Variants in NUDCD3 observed in about 807,000 individuals in gnomAD.
NUDCD3 encodes NudC domain containing 3.
In NUDCD3, 13 loss-of-function variants were observed where a neutral mutation model predicts 39.7. The observed-to-expected ratio is 0.33, with a 90% confidence interval of 0.21 to 0.52. The LOEUF (loss-of-function observed/expected upper bound fraction) is 0.52, where lower values mean the gene tolerates loss of function less well. Among genes scored for constraint, NUDCD3 ranks in the 20% least tolerant of loss-of-function variants. NUDCD3 has a pLI of 0.96. For synonymous variants in NUDCD3, 175 were observed against 172.4 expected (o/e 1.02, Z -0.12); for missense variants, 453 against 458.1 (o/e 0.99, Z 0.10).
At chr7:44,431,668 CTTTTTT>C (rs755819096) in intron 2 of NUDCD3, among the ~76,000 whole-genome samples, 1 of 120,844 alleles carries the variant, frequency 8.3e-6, no homozygotes, top group Admixed American at 8.6e-5. Context: ...TCTCTCCTTC[CTTTTTT>C]TTTTTTTTTT....
At chr7:44,391,043 G>GT (rs1798505603) in intron 5 of NUDCD3, among the ~76,000 whole-genome samples, 1 of 152,240 alleles carries the variant, frequency 6.6e-6, no homozygotes, top group African/African-American at 2.4e-5. Flanking sequence ...GGACAGGGCT[G>GT]TGAGGACAGA....
chr7:44,441,061 CTCTCCATAA>C (rs1291692516), intron 2 of NUDCD3, among the ~76,000 whole-genome samples: 2 of 152,220 alleles, frequency 1.3e-5, no homozygotes, highest in Non-Finnish European at 1.5e-5. Context: ...AAGCACTTTT[CTCTCCATAA>C]TTTCCCTGCT....
intron 2 of NUDCD3, among the ~76,000 whole-genome samples, chr7:44,431,661 CTCCT>C (rs1799366130): frequency 6.6e-6 from 1 of 150,442 alleles, no homozygotes; most frequent in Non-Finnish European, 1.5e-5. Context: ...AAGGTCCTCT[CTCCT>C]TCCTTTTTTT....
intron 2 of NUDCD3, among the ~76,000 whole-genome samples, chr7:44,459,451 G>A (rs1489129706): frequency 6.6e-6 from 1 of 152,118 alleles, no homozygotes; most frequent in Non-Finnish European, 1.5e-5. Context: ...GCCTCTTGAA[G>A]TGTTGGGATT....
At chr7:44,452,002 G>A (rs1278783395) in intron 2 of NUDCD3, among the ~76,000 whole-genome samples, 1 of 152,176 alleles carries the variant, frequency 6.6e-6, no homozygotes, top group African/African-American at 2.4e-5. Context: ...TCAAGAGAAA[G>A]TACCACTGAT....
At position 44,410,609 on chromosome 7, in the gene NUDCD3, A is replaced by G. The variant is rs565454931; in HGVS notation, c.643-6026T>C. On this transcript the variant is annotated intron_variant, in intron 3 of 5. Transcript: ENST00000355451. Reference sequence around the variant, plus strand: ...AACCCAGGAGGTGGAGCTTGCAGTGAGTGGAGATCCTGCCACTGCACTCCA... The same window carrying G: ...AACCCAGGAGGTGGAGCTTGCAGTGGGTGGAGATCCTGCCACTGCACTCCA... Among the ~76,000 whole-genome samples, 3 of 150,302 alleles carry G rather than the reference A, an allele frequency of 2.0e-5. No homozygotes were observed. In the East Asian group the frequency reaches 5.9e-4, roughly 30 times the overall value.
chr7:44,490,241 G>A, intron 1 of NUDCD3, 168 bp downstream of exon 1: 1 of 658,202 alleles, frequency 1.5e-6, no homozygotes, highest in Non-Finnish European at 2.5e-6. Flanking sequence ...AGCGGAATAA[G>A]CTGACATCCA....
rs556186393 is a variant in NUDCD3, at chr7:44,386,757, C to T, written c.976-636G>A. Among the ~76,000 whole-genome samples the T allele has an allele frequency of 1.1e-4, 16 of 152,304 alleles. No homozygotes were observed. The East Asian group carries it at 1.2e-3, about 11-fold the overall frequency. ...AGTCAGAGCTGGTTGACTAAGCCCT[C>T]GCCAACGTGTGGCCATTCTGGAACT... On this transcript the variant is annotated intron_variant, in intron 5 of 5. Transcript: ENST00000355451.
intron 2 of NUDCD3, among the ~76,000 whole-genome samples, chr7:44,476,277 C>T (rs538080500): frequency 3.3e-5 from 5 of 152,296 alleles, no homozygotes; most frequent in Admixed American, 1.3e-4. Flanking sequence ...ACATCAAGAG[C>T]CACAGATGTC....
chr7:44,442,037 G>A (rs556101529), intron 2 of NUDCD3, among the ~76,000 whole-genome samples: 1 of 152,150 alleles, frequency 6.6e-6, no homozygotes, highest in Admixed American at 6.5e-5. Context: ...TACAAAATGG[G>A]AGCACATGAG....
rs1799858350 is a variant in NUDCD3, at chr7:44,454,651, G to A, written c.510-26948C>T. Among the ~76,000 whole-genome samples, 7 of 152,264 alleles carry A rather than the reference G, an allele frequency of 4.6e-5. No individual in the cohort carries two copies. The South Asian group carries it at 1.5e-3, about 32-fold the overall frequency. ...TTCTCAAAACTTTCTTTTAGGCTGG[G>A]CACAGTGGCTCATGCCTATAATCCC... On this transcript the variant is annotated intron_variant, in intron 2 of 5. Coordinates refer to ENST00000355451, the MANE Select transcript of NUDCD3 (RefSeq NM_015332.4).
At chr7:44,445,631 TTG>T (rs1166841423) in intron 2 of NUDCD3, among the ~76,000 whole-genome samples, 1 of 151,942 alleles carries the variant, frequency 6.6e-6, no homozygotes. Flanking sequence ...GAGGGGTGGG[TTG>T]TGTGTGTGCA....
chr7:44,489,452 A>C (rs569237347), intron 1 of NUDCD3, among the ~76,000 whole-genome samples: 3 of 152,374 alleles, frequency 2.0e-5, no homozygotes, highest in South Asian at 4.1e-4. Context: ...AGCATGCATT[A>C]AGACTTCAGG....
intron 3 of NUDCD3, among the ~76,000 whole-genome samples, chr7:44,414,338 C>T (rs2116885901): frequency 6.6e-6 from 1 of 152,210 alleles, no homozygotes; most frequent in African/African-American, 2.4e-5. Context: ...CAAAGTCTAC[C>T]TAGAATTTAC....
At chr7:44,479,104 T>G (rs1260158919) in intron 2 of NUDCD3, among the ~76,000 whole-genome samples, 1 of 152,162 alleles carries the variant, frequency 6.6e-6, no homozygotes, top group Non-Finnish European at 1.5e-5. Context: ...GAACTCACTA[T>G]CACGAGAACC....
intron 2 of NUDCD3, chr7:44,467,817 TAAA>T (rs762134645): frequency 6.6e-4 from 565 of 862,148 alleles, no homozygotes; most frequent in Non-Finnish European, 8.1e-4. Flanking sequence ...AAGACCTCAG[TAAA>T]AAAAAAAAAA....
At chr7:44,460,347 A>G (rs185933365) in intron 2 of NUDCD3, among the ~76,000 whole-genome samples, 2 of 152,354 alleles carry the variant, frequency 1.3e-5, no homozygotes, top group Admixed American at 1.3e-4. Context: ...ATAAGCTATC[A>G]TCATAACTGT....
chr7:44,414,290 G>A (rs1432968852), intron 3 of NUDCD3, among the ~76,000 whole-genome samples: 1 of 152,166 alleles, frequency 6.6e-6, no homozygotes, highest in Admixed American at 6.5e-5. Context: ...GTGAGGGATG[G>A]TGGGTTTGGG....
chr7:44,463,172 A>T (rs10263257), intron 2 of NUDCD3, among the ~76,000 whole-genome samples: 57,034 of 151,964 alleles, frequency 0.38, 11,165 homozygotes, highest in East Asian at 0.52. Context: ...AGCCCGCTCT[A>T]GTTTGTCTTT....
Sources: gnomAD v4.1 joint callset for allele counts (sites outside exome capture counted in the v4.1 genomes callset) on GRCh38, gnomAD v4.1.1 for gene constraint, MANE v1.5 for transcripts, NCBI Gene and HGNC (gene_info 2026-07-23, HGNC 2026-07-21) for gene names.